Variants in DEPDC5 observed in about 807,000 individuals in gnomAD.
The protein encoded by DEPDC5 is GATOR1 complex protein DEPDC5.
Under a neutral mutation model 217.3 loss-of-function variants are expected in DEPDC5, and 73 were observed. That is an observed-to-expected ratio of 0.34 (90% CI 0.28 to 0.41). The LOEUF is 0.41. DEPDC5 is among the 10% of genes least tolerant of loss of function. The pLI, the probability that DEPDC5 is intolerant of heterozygous loss-of-function variation, is 1.00. For missense variants in DEPDC5, 1,675 were observed against 2,070.1 expected (o/e 0.81, Z 3.70); for synonymous variants, 733 against 756.7 (o/e 0.97, Z 0.51).
chr22:31,842,292 C>G lies in DEPDC5; in HGVS notation c.2516-803C>G, dbSNP rs549021586. On this transcript the variant is annotated intron_variant, in intron 27 of 42. Coordinates refer to ENST00000651528, the MANE Select transcript of DEPDC5 (RefSeq NM_001242896.3). ...GAGAATGCAAAAGAAACAACATGAGCAGGCTGAGCACGGTGGCTCACGCCT... is the reference window on the plus strand; with the variant it reads ...GAGAATGCAAAAGAAACAACATGAGGAGGCTGAGCACGGTGGCTCACGCCT... 3.2e-3 allele frequency among the ~76,000 whole-genome samples: 493 copies of G among 152,270 alleles called. 1 individual carries two copies. The highest frequency in any genetic ancestry group is 5.3e-3 in the Non-Finnish European group (359 of 68,020).
At chr22:31,784,791 C>T (rs777351385) in intron 9 of DEPDC5, 23 bp from the exon 10 acceptor site, 1 of 1,606,646 alleles carries the variant, frequency 6.2e-7, no homozygotes, top group Admixed American at 1.7e-5. Context: ...TGTTCTCATC[C>T]TTTTTTCATT....
chr22:31,778,121 G>A lies in DEPDC5; in HGVS notation c.436G>A (p.Val146Ile). 6.2e-7 allele frequency: 1 copy of A among 1,614,186 alleles called. No homozygotes were observed. The highest frequency in any genetic ancestry group is 1.3e-5 in the African/African-American group (1 of 75,056). The change falls in exon 8 of 43, where the codon GTT becomes ATT. Residue 146 changes from valine (V) to isoleucine (I), a missense_variant. Transcript: ENST00000651528. Reference protein sequence around the residue: ...GIRAQAGELWVKNEKVMCGYI... With the variant: ...GIRAQAGELWIKNEKVMCGYI... The stretch of plus-strand genomic sequence containing the variant: ...CAGAGCACAGGCTGGTGAACTGTGG[G>A]TTAAGAATGAGAAGGTCATGTGTGG...
chr22:31,850,793 G>A (rs1602411674), intron 31 of DEPDC5, among the ~76,000 whole-genome samples: 4 of 152,096 alleles, frequency 2.6e-5, no homozygotes, highest in African/African-American at 4.8e-5. Flanking sequence ...GCTTGAGGCC[G>A]GGCGCAGTGG....
intron 33 of DEPDC5, among the ~76,000 whole-genome samples, chr22:31,863,998 G>A (rs1569142992): frequency 6.6e-6 from 1 of 151,674 alleles, no homozygotes; most frequent in Non-Finnish European, 1.5e-5. Flanking sequence ...TGTACCTTAT[G>A]TTTATTTATT....
chr22:31,849,797 A>G (rs924600040), intron 31 of DEPDC5, among the ~76,000 whole-genome samples: 1 of 151,954 alleles, frequency 6.6e-6, no homozygotes, highest in Admixed American at 6.6e-5. Context: ...AAAAATAAGT[A>G]AATAAAATAA....
At chr22:31,837,804 C>T (rs544694457) in intron 26 of DEPDC5, among the ~76,000 whole-genome samples, 14 of 152,162 alleles carry the variant, frequency 9.2e-5, no homozygotes, top group African/African-American at 2.9e-4. Flanking sequence ...CAGGTTCAAG[C>T]GATTCTCACG....
At chr22:31,864,170 G>T (rs1016655304) in intron 33 of DEPDC5, among the ~76,000 whole-genome samples, 2 of 150,120 alleles carry the variant, frequency 1.3e-5, no homozygotes, top group African/African-American at 2.5e-5. Flanking sequence ...GTACAATGGC[G>T]CAGTCTCTGC....
intron 40 of DEPDC5, among the ~76,000 whole-genome samples, chr22:31,899,744 C>T (rs2093615255): frequency 6.6e-6 from 1 of 152,098 alleles, no homozygotes; most frequent in South Asian, 2.1e-4. Flanking sequence ...TAGAAAATTC[C>T]AAATGTGGAA....
intron 30 of DEPDC5, among the ~76,000 whole-genome samples, chr22:31,845,892 A>G (rs1000856159): frequency 1.3e-5 from 2 of 148,566 alleles, no homozygotes; most frequent in African/African-American, 5.0e-5. Context: ...ACAAGGTCTC[A>G]CTTTGTTGCC....
chr22:31,800,657 A>T (rs1023237769), intron 14 of DEPDC5, among the ~76,000 whole-genome samples: 4 of 152,114 alleles, frequency 2.6e-5, no homozygotes, highest in South Asian at 2.1e-4. Context: ...TAAAAATTTT[A>T]AAAAATTAAA....
intron 33 of DEPDC5, among the ~76,000 whole-genome samples, chr22:31,865,216 C>T (rs902693639): frequency 9.9e-5 from 15 of 152,150 alleles, no homozygotes; most frequent in East Asian, 1.9e-4. Context: ...TAACGCCAGG[C>T]GCAGCAGCCC....
At chr22:31,849,171 C>T (rs2091898145) in intron 31 of DEPDC5, among the ~76,000 whole-genome samples, 1 of 152,190 alleles carries the variant, frequency 6.6e-6, no homozygotes, top group Non-Finnish European at 1.5e-5. Context: ...TTCTTCTGAG[C>T]ACCCCCAGAC....
intron 40 of DEPDC5, among the ~76,000 whole-genome samples, chr22:31,899,645 G>A (rs1341059007): frequency 6.6e-6 from 1 of 152,196 alleles, no homozygotes; most frequent in Non-Finnish European, 1.5e-5. Context: ...GCCCGCCTCG[G>A]CTTCCCAAAG....
intron 8 of DEPDC5, among the ~76,000 whole-genome samples, chr22:31,782,231 G>A (rs964972102): frequency 9.3e-5 from 14 of 150,698 alleles, no homozygotes; most frequent in African/African-American, 3.4e-4. Context: ...TCAGCCTCCC[G>A]GATTCAAGCG....
chr22:31,897,774 G>C (rs1221358025), intron 40 of DEPDC5, 121 bp downstream of exon 40: 2 of 1,188,678 alleles, frequency 1.7e-6, no homozygotes, highest in Admixed American at 4.8e-5. Context: ...TCAACAAGGG[G>C]CCAAAAGGAT....
At chr22:31,758,835 T>C (rs1216885430) in intron 3 of DEPDC5, among the ~76,000 whole-genome samples, 2 of 151,518 alleles carry the variant, frequency 1.3e-5, no homozygotes, top group Non-Finnish European at 2.9e-5. Flanking sequence ...AGGGACCCTG[T>C]CTTAAAAAAA....
intron 38 of DEPDC5, among the ~76,000 whole-genome samples, chr22:31,880,642 G>A (rs764539845): frequency 2.0e-5 from 3 of 152,262 alleles, no homozygotes; most frequent in South Asian, 2.1e-4. Context: ...GCCCACGCCT[G>A]TAATCCCAGC....
intron 38 of DEPDC5, 153 bp downstream of exon 38, chr22:31,879,905 G>A (rs779985475): frequency 2.1e-5 from 15 of 727,148 alleles, no homozygotes; most frequent in South Asian, 5.4e-5. Context: ...TGTTGGCTCC[G>A]TTGCTGACTT....
intron 31 of DEPDC5, among the ~76,000 whole-genome samples, chr22:31,856,012 C>G (rs570685525): frequency 4.6e-5 from 7 of 151,940 alleles, no homozygotes; most frequent in African/African-American, 1.7e-4. Context: ...TAAGGAGAGC[C>G]CTTGGGCACA....
Sources: gnomAD v4.1 joint callset for allele counts (sites outside exome capture counted in the v4.1 genomes callset) on GRCh38, gnomAD v4.1.1 for gene constraint, MANE v1.5 for transcripts, NCBI Gene and HGNC (gene_info 2026-07-23, HGNC 2026-07-21) for gene names.